The following NTN1 variants were observed in gnomAD, a reference collection of about 807,000 sequenced individuals.
NTN1 encodes netrin-1.
Under a neutral mutation model 54.2 loss-of-function variants are expected in NTN1, and 11 were observed. That is an observed-to-expected ratio of 0.20 (90% CI 0.13 to 0.34). The LOEUF (loss-of-function observed/expected upper bound fraction) is 0.34, where lower values mean the gene tolerates loss of function less well. Ranked by LOEUF, NTN1 falls within the 10% of genes least tolerant of loss-of-function variation. NTN1 has a pLI of 1.00. For synonymous variants in NTN1, 371 were observed against 382.0 expected (o/e 0.97, Z 0.33); for missense variants, 740 against 893.1 (o/e 0.83, Z 2.18).
At chr17:9,028,182 T>C (rs6503167) in intron 2 of NTN1, among the ~76,000 whole-genome samples, 119,971 of 152,076 alleles carry the variant, frequency 0.79, 47,722 homozygotes, top group African/African-American at 0.86. Flanking sequence ...TTTGCTTCAC[T>C]GGAACGTATT....
Position 9,212,918 on chromosome 17 carries a change from A to G in NTN1, c.1412-8250A>G, listed in dbSNP as rs966870764. Among the ~76,000 whole-genome samples, 3 of 152,220 alleles carry G rather than the reference A, an allele frequency of 2.0e-5. No homozygotes were observed. Among genetic ancestry groups the G allele is most frequent in the Non-Finnish European group, 4.4e-5 (3 of 68,036 alleles). ...CCGTGGCCGCCGGGCTCTGCCTGCCATATGCTCAGAGATGAGCCTCGATCC... is the reference window on the plus strand; with the variant it reads ...CCGTGGCCGCCGGGCTCTGCCTGCCGTATGCTCAGAGATGAGCCTCGATCC... On this transcript the variant is annotated intron_variant, in intron 5 of 6. Transcript: ENST00000173229. This position sits in a 1 kb window ranked among gnomAD's most constrained non-coding sequence, Gnocchi z 5.5.
At chr17:9,136,502 G>A (rs1390743478) in intron 2 of NTN1, among the ~76,000 whole-genome samples, 1 of 152,080 alleles carries the variant, frequency 6.6e-6, no homozygotes, top group Non-Finnish European at 1.5e-5. Flanking sequence ...GCTTGAACCC[G>A]GGAGGCAGAG....
At chr17:9,008,685 G>A in the NTN1 span, among the ~76,000 whole-genome samples, 2 of 152,192 alleles carry the variant, frequency 1.3e-5, no homozygotes, top group African/African-American at 4.8e-5. Context: ...TTCTGCATAT[G>A]GTTTTTTACT....
At chr17:9,163,477 A>AACGC (rs2092364604) in intron 3 of NTN1, among the ~76,000 whole-genome samples, 1 of 142,684 alleles carries the variant, frequency 7.0e-6, no homozygotes, top group South Asian at 2.3e-4. Flanking sequence ...TCCCCCCCGA[A>AACGC]ACACACACAC....
chr17:9,033,697 C>T (rs2091894458), intron 2 of NTN1, among the ~76,000 whole-genome samples: 1 of 152,150 alleles, frequency 6.6e-6, no homozygotes, highest in Non-Finnish European at 1.5e-5. Context: ...GCAGGCGGAT[C>T]ACCTGAGGTT....
the NTN1 span, among the ~76,000 whole-genome samples, chr17:9,012,546 A>AG: frequency 6.6e-6 from 1 of 151,496 alleles, no homozygotes. Context: ...CAAAAAAAAA[A>AG]AAACAAGCTC....
At chr17:9,191,733 A>C (rs768816387) in intron 5 of NTN1, among the ~76,000 whole-genome samples, 27 of 152,200 alleles carry the variant, frequency 1.8e-4, no homozygotes, top group African/African-American at 5.5e-4. Context: ...ATACTCTTTT[A>C]AAAGCTTATT....
chr17:9,118,024 G>A (rs113418187), intron 2 of NTN1, among the ~76,000 whole-genome samples: 6 of 152,268 alleles, frequency 3.9e-5, no homozygotes, highest in African/African-American at 1.4e-4. Context: ...CATGCCACGT[G>A]GCCTCAAATC....
chr17:9,152,719 G>T (rs1241551128), intron 2 of NTN1, among the ~76,000 whole-genome samples: 1 of 152,196 alleles, frequency 6.6e-6, no homozygotes, highest in Non-Finnish European at 1.5e-5. Flanking sequence ...CCCCTACCCT[G>T]CAGGAGTTTG....
chr17:9,058,695 A>G (rs1225435192), intron 2 of NTN1, among the ~76,000 whole-genome samples: 2 of 151,924 alleles, frequency 1.3e-5, no homozygotes, highest in East Asian at 3.8e-4. Flanking sequence ...TAGCTTAGAG[A>G]AAAGAATGGA....
intron 2 of NTN1, among the ~76,000 whole-genome samples, chr17:9,077,114 A>G (rs2092053040): frequency 1.3e-5 from 2 of 152,220 alleles, no homozygotes; most frequent in African/African-American, 4.8e-5. Context: ...TTAACAAAGC[A>G]GGAGACAGAG....
intron 2 of NTN1, among the ~76,000 whole-genome samples, chr17:9,037,792 C>T (rs1305360545): frequency 6.6e-6 from 1 of 152,180 alleles, no homozygotes; most frequent in Admixed American, 6.5e-5. Flanking sequence ...GCTGCAGTTT[C>T]CTAGCTGGTC....
intron 2 of NTN1, among the ~76,000 whole-genome samples, chr17:9,137,348 C>T (rs1342558258): frequency 6.6e-6 from 1 of 152,140 alleles, no homozygotes. Context: ...GTCTGCTGAG[C>T]GAATATTTGA....
intron 5 of NTN1, among the ~76,000 whole-genome samples, chr17:9,204,126 G>A (rs1311981451): frequency 6.6e-6 from 1 of 152,008 alleles, no homozygotes; most frequent in African/African-American, 2.4e-5. Flanking sequence ...GGGAGATTAA[G>A]AGAATGGGAA....
chr17:9,107,496 G>A (rs1380312426), intron 2 of NTN1, among the ~76,000 whole-genome samples: 3 of 152,210 alleles, frequency 2.0e-5, no homozygotes, highest in East Asian at 1.9e-4. Context: ...CGGGAGGAAC[G>A]CTGTGTGAAC....
chr17:9,013,995 C>T, the NTN1 span, among the ~76,000 whole-genome samples: 1 of 152,186 alleles, frequency 6.6e-6, no homozygotes, highest in Non-Finnish European at 1.5e-5. Flanking sequence ...CTTCAAAGAG[C>T]CCTGGTAGAT....
chr17:9,113,040 T>TTTG (rs1731979711), intron 2 of NTN1, among the ~76,000 whole-genome samples: 1 of 151,330 alleles, frequency 6.6e-6, no homozygotes. Flanking sequence ...TTTTATTTTT[T>TTTG]TGAGACAGAG....
At chr17:9,013,473 C>T in the NTN1 span, among the ~76,000 whole-genome samples, 1 of 152,272 alleles carries the variant, frequency 6.6e-6, no homozygotes, top group South Asian at 2.1e-4. Flanking sequence ...TCCTCGGCCT[C>T]CCAAAGTGCT....
Position 9,221,497 on chromosome 17 carries a change from C to T in NTN1, c.1486+255C>T, listed in dbSNP as rs1037665044. 2.0e-5 allele frequency among the ~76,000 whole-genome samples: 3 copies of T among 152,228 alleles called. No individual in the cohort carries two copies. In the East Asian group the frequency reaches 5.8e-4, roughly 29 times the overall value. On this transcript the variant is annotated intron_variant, in intron 6 of 6. Transcript: ENST00000173229. This position sits in a 1 kb window ranked among gnomAD's most constrained non-coding sequence, Gnocchi z 4.5. ...CCTGAGGCTGGGACACCCAGGCTGG[C>T]CTCTGGCTTTGACTCTGCCGCTGAT...
Sources: gnomAD v4.1 joint callset for allele counts (sites outside exome capture counted in the v4.1 genomes callset) on GRCh38, gnomAD v4.1.1 for gene constraint, Gnocchi (gnomAD v3.1) non-coding constraint, MANE v1.5 for transcripts, NCBI Gene and HGNC (gene_info 2026-07-23, HGNC 2026-07-21) for gene names.